SCFD2: variants seen among roughly 807,000 people sequenced by gnomAD.
The protein encoded by SCFD2 is sec1 family domain containing 2, also known as sec1 family domain-containing protein 2.
A neutral mutation model predicts 58.9 loss-of-function variants in SCFD2; 54 were observed. The ratio of observed to expected loss-of-function variants is 0.92; its 90% CI spans 0.74 to 1.15. The LOEUF (loss-of-function observed/expected upper bound fraction) is 1.15. Ranked by LOEUF, SCFD2 falls within the 50% of genes most tolerant of loss-of-function variation. The pLI, the probability that SCFD2 is intolerant of heterozygous loss-of-function variation, is 0.00. For synonymous variants in SCFD2, 321 were observed against 335.9 expected, an observed-to-expected ratio of 0.96 and a Z score of 0.49; for missense variants, 805 against 836.6, an observed-to-expected ratio of 0.96 and a Z score of 0.47.
chr4:53,188,419 GT>G (rs1727798593), intron 4 of SCFD2, among the ~76,000 whole-genome samples: 2 of 6,354 alleles, frequency 3.1e-4, no homozygotes, highest in South Asian at 8.1e-3. Context: ...TTCAAAACTG[GT>G]GTGTGTGTGT....
At chr4:53,199,599 A>T (rs1455870913) in intron 4 of SCFD2, among the ~76,000 whole-genome samples, 1 of 152,100 alleles carries the variant, frequency 6.6e-6, no homozygotes, top group Non-Finnish European at 1.5e-5. Flanking sequence ...CATCAGAAAG[A>T]TCAAGTAATT....
intron 5 of SCFD2, among the ~76,000 whole-genome samples, chr4:53,048,954 T>C (rs1723116789): frequency 6.6e-6 from 1 of 151,746 alleles, no homozygotes; most frequent in Admixed American, 6.6e-5. Flanking sequence ...CTCAAATAAA[T>C]AAATAAATAA....
chr4:53,203,846 A>G lies in SCFD2; in HGVS notation c.1312-58264T>C, dbSNP rs550734924. Among the ~76,000 whole-genome samples the G allele has an allele frequency of 5.3e-5, 8 of 152,208 alleles. No individual in the cohort carries two copies. In the South Asian group the frequency reaches 1.7e-3, roughly 32 times the overall value. On this transcript the variant is annotated intron_variant, in intron 4 of 8. Transcript: ENST00000401642. ...GTTGGATCCCTAAATGTCCCCACCA[A>G]CACTCCATCCAGATCACTCAGCAGG...
chr4:52,970,936 A>C (rs1721084157), intron 5 of SCFD2, among the ~76,000 whole-genome samples: 1 of 152,190 alleles, frequency 6.6e-6, no homozygotes, highest in Non-Finnish European at 1.5e-5. Context: ...GCAAACTCCA[A>C]AAGACCTGCA....
At chr4:53,329,573 T>C (rs1317295094) in intron 2 of SCFD2, among the ~76,000 whole-genome samples, 2 of 151,472 alleles carry the variant, frequency 1.3e-5, no homozygotes, top group South Asian at 4.2e-4. Flanking sequence ...AGAAAGGACA[T>C]CCACACCAAA....
rs1461593999 is a variant in SCFD2, at chr4:53,207,581, T to TA, written c.1312-62000dup. 6.4e-3 allele frequency among the ~76,000 whole-genome samples: 3 copies of TA among 468 alleles called. 1 individual carries two copies. Among genetic ancestry groups the TA allele is most frequent in the East Asian group, 0.11 (2 of 18 alleles). 0.3% of individuals were successfully genotyped at this position (468 alleles called of 152,430 possible). ...ATATAATATATATAATATTTATATA[T>TA]ATATAATATATATATAATATTTATA... On this transcript the variant is annotated intron_variant, in intron 4 of 8. Coordinates refer to ENST00000401642, the MANE Select transcript of SCFD2 (RefSeq NM_152540.4).
chr4:53,365,431 G>A lies in SCFD2; in HGVS notation c.511C>T (p.Pro171Ser), dbSNP rs762894919. The part of the protein sequence containing the change: ...APVAPHFALT[P>S]AFASLFPLLP... ...AGTGGGAAAAGGGATGCAAAAGCTG[G>A]AGTCAAGGCAAAGTGGGGAGCAACA... The change falls in exon 1 of 9, where the codon CCA becomes TCA. Residue 171 changes from proline (P) to serine (S), a missense_variant. This residue lies in a region of SCFD2 where 633 missense variants were observed against 646.8 expected (regional missense o/e 0.98). Transcript: ENST00000401642. The surrounding 1 kb of genome is among the most constrained non-coding windows in gnomAD (Gnocchi z 4.3). 6.2e-7 allele frequency: 1 copy of A among 1,614,188 alleles called. No individual in the cohort carries two copies. The highest frequency in any genetic ancestry group is 8.5e-7 in the Non-Finnish European group (1 of 1,180,040).
intron 6 of SCFD2, among the ~76,000 whole-genome samples, chr4:52,918,523 A>G (rs2109482875): frequency 1.3e-5 from 2 of 152,286 alleles, no homozygotes; most frequent in Middle Eastern, 6.8e-3. Context: ...GGTAAAAATT[A>G]CCCATAATCC....
At chr4:53,249,358 T>C (rs1249574331) in intron 4 of SCFD2, among the ~76,000 whole-genome samples, 2 of 152,108 alleles carry the variant, frequency 1.3e-5, no homozygotes, top group Non-Finnish European at 1.5e-5. Context: ...ACAGGGAGAA[T>C]GGAACCAAGT....
At chr4:53,330,262 T>A (rs1733393914) in intron 2 of SCFD2, among the ~76,000 whole-genome samples, 1 of 151,788 alleles carries the variant, frequency 6.6e-6, no homozygotes, top group African/African-American at 2.4e-5. Context: ...AAGATACTCC[T>A]CAAGAAGAGC....
At chr4:53,164,801 A>AGAAG (rs202237049) in intron 4 of SCFD2, among the ~76,000 whole-genome samples, 1 of 150,538 alleles carries the variant, frequency 6.6e-6, no homozygotes, top group African/African-American at 2.5e-5. Flanking sequence ...AAAAAAAAAA[A>AGAAG]AAAAAGAAGA....
At chr4:53,027,934 G>A (rs1056627404) in intron 5 of SCFD2, among the ~76,000 whole-genome samples, 1 of 151,648 alleles carries the variant, frequency 6.6e-6, no homozygotes, top group African/African-American at 2.4e-5. Context: ...GACTATGGTA[G>A]CAATATTAAA....
chr4:53,119,243 G>A (rs755771419), intron 5 of SCFD2, among the ~76,000 whole-genome samples: 14 of 151,990 alleles, frequency 9.2e-5, no homozygotes, highest in South Asian at 4.2e-4. Flanking sequence ...ACTTGAACCC[G>A]GGAGGCAGAG....
chr4:52,946,138 G>T (rs1399017407), intron 5 of SCFD2, among the ~76,000 whole-genome samples: 1 of 152,142 alleles, frequency 6.6e-6, no homozygotes, highest in Non-Finnish European at 1.5e-5. Flanking sequence ...TATCACAGGT[G>T]TCTAATGAAT....
At position 52,974,477 on chromosome 4, in the gene SCFD2, T is replaced by A. The variant is rs1431262341; in HGVS notation, c.1562-53607A>T. 2.6e-5 allele frequency among the ~76,000 whole-genome samples: 4 copies of A among 152,214 alleles called. No individual in the cohort carries two copies. In the East Asian group the frequency reaches 5.8e-4, roughly 22 times the overall value. ...CAACTTACAAGGGACATGAAGGACC[T>A]CTTCAAGGAGAACTACAAACCACTG... On this transcript the variant is annotated intron_variant, in intron 5 of 8. Coordinates refer to ENST00000401642, the MANE Select transcript of SCFD2 (RefSeq NM_152540.4).
chr4:53,219,082 G>A (rs1728960811), intron 4 of SCFD2, among the ~76,000 whole-genome samples: 1 of 152,210 alleles, frequency 6.6e-6, no homozygotes, highest in Admixed American at 6.5e-5. Flanking sequence ...CTACTCGGGA[G>A]TCAGGGACCC....
chr4:53,134,312 A>C (rs2148902410), intron 5 of SCFD2, among the ~76,000 whole-genome samples: 1 of 152,290 alleles, frequency 6.6e-6, no homozygotes, highest in African/African-American at 2.4e-5. Flanking sequence ...TGTACACTTC[A>C]AAACTTAAGA....
At chr4:53,258,577 T>TATATATATATATATATATATATATAC (rs757658747) in intron 4 of SCFD2, among the ~76,000 whole-genome samples, 9 of 121,372 alleles carry the variant, frequency 7.4e-5, no homozygotes, top group East Asian at 2.6e-4. Flanking sequence ...TATATATATA[T>TATATATATATATATATATATATATAC]ACACACACAT....
intron 4 of SCFD2, among the ~76,000 whole-genome samples, chr4:53,205,683 C>T (rs1366191725): frequency 6.6e-6 from 1 of 151,822 alleles, no homozygotes; most frequent in Non-Finnish European, 1.5e-5. Flanking sequence ...CACGGTGAAA[C>T]CCCATCTCTA....
Sources: gnomAD v4.1 joint callset for allele counts (sites outside exome capture counted in the v4.1 genomes callset) on GRCh38, gnomAD v4.1.1 for gene constraint, gnomAD v4.1.1 regional missense constraint, Gnocchi (gnomAD v3.1) non-coding constraint, MANE v1.5 for transcripts, NCBI Gene and HGNC (gene_info 2026-07-23, HGNC 2026-07-21) for gene names.